The following ERBB4 variants were observed in gnomAD, a reference collection of about 807,000 sequenced individuals.
ERBB4 encodes receptor tyrosine-protein kinase erbB-4.
A neutral mutation model predicts 158.0 loss-of-function variants in ERBB4; 42 were observed. The ratio of observed to expected loss-of-function variants is 0.27; its 90% CI spans 0.21 to 0.34. The LOEUF (loss-of-function observed/expected upper bound fraction) is 0.34, where lower values mean the gene tolerates loss of function less well. Ranked by LOEUF, ERBB4 falls within the 10% of genes least tolerant of loss-of-function variation. The pLI is 1.00. For missense variants in ERBB4, 1,333 were observed against 1,624.1 expected (o/e 0.82, Z 3.08); for synonymous variants, 583 against 558.7 (o/e 1.04, Z -0.61).
chr2:211,704,495 A>T (rs997064920), intron 10 of ERBB4, among the ~76,000 whole-genome samples: 4 of 152,202 alleles, frequency 2.6e-5, no homozygotes, highest in African/African-American at 9.6e-5. Flanking sequence ...GAAATCTTTT[A>T]CGTCTTCATC....
intron 1 of ERBB4, among the ~76,000 whole-genome samples, chr2:212,263,998 G>A (rs1430148120): frequency 6.6e-6 from 1 of 151,998 alleles, no homozygotes; most frequent in African/African-American, 2.4e-5. Context: ...TGGTCATGTT[G>A]TGTACAACTT....
chr2:211,619,303 A>G (rs368175550), intron 18 of ERBB4, 28 bp from the exon 19 acceptor site: 611 of 1,230,124 alleles, frequency 5.0e-4, no homozygotes, highest in Non-Finnish European at 6.2e-4. Flanking sequence ...TACATTAAAT[A>G]TGACATCTCA....
At chr2:211,709,115 G>A (rs1354373831) in intron 9 of ERBB4, among the ~76,000 whole-genome samples, 1 of 151,608 alleles carries the variant, frequency 6.6e-6, no homozygotes, top group Non-Finnish European at 1.5e-5. Context: ...GTAAATGCAT[G>A]GTCCTTACTG....
intron 25 of ERBB4, among the ~76,000 whole-genome samples, chr2:211,414,824 G>GCTCTTTTTCTTATCATTTGTAAGTTA (rs1207433586): frequency 6.6e-6 from 1 of 151,986 alleles, no homozygotes; most frequent in Admixed American, 6.6e-5. Flanking sequence ...TCGATTTCTA[G>GCTCTTTTTCTTATCATTTGTAAGTTA]CTCTTTTTCT....
At chr2:211,567,837 T>C (rs1461392225) in intron 19 of ERBB4, among the ~76,000 whole-genome samples, 3 of 151,210 alleles carry the variant, frequency 2.0e-5, no homozygotes, top group Non-Finnish European at 4.4e-5. Flanking sequence ...GTTTGGAGGA[T>C]AGGAGAGTAG....
intron 12 of ERBB4, among the ~76,000 whole-genome samples, chr2:211,693,842 A>G (rs2072911877): frequency 6.6e-6 from 1 of 152,182 alleles, no homozygotes; most frequent in Admixed American, 6.5e-5. Flanking sequence ...TTGGGCTCTC[A>G]GAGGGAGAAT....
intron 20 of ERBB4, among the ~76,000 whole-genome samples, chr2:211,510,870 G>A (rs571227033): frequency 7.2e-5 from 11 of 151,904 alleles, no homozygotes; most frequent in East Asian, 3.9e-4. Context: ...TTGTCCTGAC[G>A]TAGCTTTAGA....
chr2:211,429,811 G>C (rs908613922), intron 21 of ERBB4, among the ~76,000 whole-genome samples: 2 of 152,186 alleles, frequency 1.3e-5, no homozygotes, highest in Non-Finnish European at 2.9e-5. Context: ...AAAGAAGTAA[G>C]TTTAAATCAC....
intron 19 of ERBB4, among the ~76,000 whole-genome samples, chr2:211,613,321 T>G (rs1255360632): frequency 6.6e-6 from 1 of 151,854 alleles, no homozygotes; most frequent in Non-Finnish European, 1.5e-5. Context: ...TGCAGAGAGA[T>G]GTGAGATAGG....
chr2:211,406,808 C>A (rs2063157061), intron 25 of ERBB4, among the ~76,000 whole-genome samples: 1 of 152,056 alleles, frequency 6.6e-6, no homozygotes, highest in Non-Finnish European at 1.5e-5. Flanking sequence ...AGGCCAGGTG[C>A]AGTGCCTCAT....
intron 12 of ERBB4, among the ~76,000 whole-genome samples, chr2:211,689,209 G>A (rs59853762): frequency 0.18 from 27,229 of 152,076 alleles, 3,401 homozygotes; most frequent in African/African-American, 0.35. Flanking sequence ...GAATCTGTTT[G>A]TTTGAAACAG....
intron 5 of ERBB4, among the ~76,000 whole-genome samples, chr2:211,731,575 A>G (rs958204829): frequency 7.9e-5 from 12 of 152,232 alleles, no homozygotes; most frequent in African/African-American, 2.9e-4. Context: ...TCTCTTCTAC[A>G]TGCTTTAGAC....
At chr2:211,696,457 A>G (rs909647757) in intron 12 of ERBB4, among the ~76,000 whole-genome samples, 11 of 152,080 alleles carry the variant, frequency 7.2e-5, no homozygotes, top group Admixed American at 1.3e-4. Context: ...GGTGAATACT[A>G]TTATCTATTC....
At chr2:212,262,662 A>G (rs906360293) in intron 1 of ERBB4, among the ~76,000 whole-genome samples, 1 of 152,156 alleles carries the variant, frequency 6.6e-6, no homozygotes, top group Admixed American at 6.6e-5. Flanking sequence ...AAGAAGAAGA[A>G]GGAGTAAGGA....
At chr2:212,306,158 A>G (rs2086802017) in intron 1 of ERBB4, among the ~76,000 whole-genome samples, 1 of 151,456 alleles carries the variant, frequency 6.6e-6, no homozygotes, top group South Asian at 2.1e-4. Flanking sequence ...AATATATAGT[A>G]GTATTCTGCT....
chr2:212,478,007 A>C (rs1302050964), intron 1 of ERBB4, among the ~76,000 whole-genome samples: 1 of 152,114 alleles, frequency 6.6e-6, no homozygotes, highest in African/African-American at 2.4e-5. Flanking sequence ...TTGTCTTTAC[A>C]AGAATAATCT....
At position 211,464,383 on chromosome 2, in the gene ERBB4, C is replaced by G. The variant is rs112051845; in HGVS notation, c.2488-33283G>C. Among the ~76,000 whole-genome samples, 1,040 of 152,226 alleles carry G rather than the reference C, an allele frequency of 6.8e-3. 8 individuals carry two copies. Among genetic ancestry groups the G allele is most frequent in the African/African-American group, 0.024 (986 of 41,542 alleles). On this transcript the variant is annotated intron_variant, in intron 20 of 27. Coordinates refer to ENST00000342788, the MANE Select transcript of ERBB4 (RefSeq NM_005235.3). ...CAGTTGGGGTATTTTCCACATCAGC[C>G]CTTTTGTCAGAAAAATATAATTACA...
At chr2:211,476,581 A>C (rs971739214) in intron 20 of ERBB4, among the ~76,000 whole-genome samples, 6 of 151,938 alleles carry the variant, frequency 3.9e-5, no homozygotes, top group Middle Eastern at 6.8e-3. Flanking sequence ...AAAAAAAAAA[A>C]AGAATGACTT....
At chr2:212,278,135 A>G (rs1016998670) in intron 1 of ERBB4, among the ~76,000 whole-genome samples, 11 of 151,808 alleles carry the variant, frequency 7.2e-5, no homozygotes, top group African/African-American at 2.7e-4. Flanking sequence ...AAATGTTTCA[A>G]TAAGAAATAT....
Sources: allele counts gnomAD v4.1 joint callset (sites outside exome capture counted in the v4.1 genomes callset), GRCh38; gene constraint gnomAD v4.1.1; transcripts MANE v1.5; gene names NCBI Gene and HGNC (gene_info 2026-07-23, HGNC 2026-07-21).